Variants in SMIM10L3 observed in about 807,000 individuals in gnomAD.
SMIM10L3 encodes the protein salivary gland specific protein SAGSIN1.
the SMIM10L3 span, chr7:6,330,916 C>T: frequency 6.2e-7 from 1 of 1,614,226 alleles, no homozygotes; most frequent in Non-Finnish European, 8.5e-7. Flanking sequence ...AAGCACTGGG[C>T]CGCCACTGTG....
chr7:6,333,099 G>C, the SMIM10L3 span, among the ~76,000 whole-genome samples: 2 of 151,252 alleles, frequency 1.3e-5, no homozygotes, highest in African/African-American at 4.9e-5. Flanking sequence ...AGAGGTTGCA[G>C]TGAGCCGAGA....
At chr7:6,330,642 T>G in the SMIM10L3 span, 1 of 1,614,122 alleles carries the variant, frequency 6.2e-7, no homozygotes, top group Non-Finnish European at 8.5e-7. Flanking sequence ...AAGCACTTGG[T>G]GGGTCATCCT....
the SMIM10L3 span, among the ~76,000 whole-genome samples, chr7:6,332,185 G>C: frequency 6.6e-5 from 10 of 151,604 alleles, no homozygotes; most frequent in Middle Eastern, 3.5e-3. Context: ...ATGCTACCTA[G>C]TGCATCCTTC....
chr7:6,345,507 A>G, the SMIM10L3 span, among the ~76,000 whole-genome samples: 4 of 152,276 alleles, frequency 2.6e-5, no homozygotes, highest in East Asian at 7.7e-4. Context: ...ACAGTAGGGT[A>G]GACTAGAGAG....
chr7:6,333,662 C>T, the SMIM10L3 span, among the ~76,000 whole-genome samples: 1 of 145,290 alleles, frequency 6.9e-6, no homozygotes, highest in African/African-American at 2.5e-5. Flanking sequence ...CCACACCTGG[C>T]AAATTTTTTT....
the SMIM10L3 span, among the ~76,000 whole-genome samples, chr7:6,332,208 T>A: frequency 1.3e-5 from 2 of 152,064 alleles, no homozygotes; most frequent in Non-Finnish European, 1.5e-5. Context: ...GTTATGTAAT[T>A]TTATAGGGAC....
At chr7:6,344,736 T>A in the SMIM10L3 span, among the ~76,000 whole-genome samples, 2 of 151,952 alleles carry the variant, frequency 1.3e-5, no homozygotes, top group Non-Finnish European at 2.9e-5. Flanking sequence ...TTCTTTTTTT[T>A]AAATTTTATT....
At chr7:6,336,502 G>A in the SMIM10L3 span, among the ~76,000 whole-genome samples, 1 of 151,950 alleles carries the variant, frequency 6.6e-6, no homozygotes, top group Admixed American at 6.6e-5. Context: ...CCAACACAGG[G>A]AAACCCTATC....
the SMIM10L3 span, among the ~76,000 whole-genome samples, chr7:6,345,193 C>T: frequency 6.6e-6 from 1 of 152,036 alleles, no homozygotes; most frequent in Non-Finnish European, 1.5e-5. Flanking sequence ...TCACGGCTCA[C>T]TGCATCTTCG....
At chr7:6,343,520 T>C in the SMIM10L3 span, among the ~76,000 whole-genome samples, 4 of 149,272 alleles carry the variant, frequency 2.7e-5, no homozygotes, top group Non-Finnish European at 4.4e-5. Context: ...ACTTGTTAAA[T>C]TATAGCAGAT....
the SMIM10L3 span, among the ~76,000 whole-genome samples, chr7:6,335,678 G>T: frequency 6.6e-6 from 1 of 151,870 alleles, no homozygotes; most frequent in South Asian, 2.1e-4. Flanking sequence ...ATATCTTGTG[G>T]GACATGCTGA....
the SMIM10L3 span, among the ~76,000 whole-genome samples, chr7:6,338,074 G>A: frequency 1.4e-4 from 22 of 152,204 alleles, no homozygotes; most frequent in East Asian, 3.9e-4. Flanking sequence ...AAAGCACTGC[G>A]ATTACAGGCG....
chr7:6,336,576 C>G, the SMIM10L3 span, among the ~76,000 whole-genome samples: 853 of 151,386 alleles, frequency 5.6e-3, 41 homozygotes, highest in East Asian at 0.087. Flanking sequence ...AGCTATTAGT[C>G]AGGAGGCTGA....
At chr7:6,330,314 G>A in the SMIM10L3 span, 17 of 1,492,128 alleles carry the variant, frequency 1.1e-5, no homozygotes, top group Middle Eastern at 1.8e-4. Context: ...GACTTAATGC[G>A]AAAGAAATCA....
chr7:6,344,969 G>A, the SMIM10L3 span, among the ~76,000 whole-genome samples: 1 of 152,056 alleles, frequency 6.6e-6, no homozygotes, highest in African/African-American at 2.4e-5. Flanking sequence ...TCAAACTCCT[G>A]ACCTCAGGTG....
the SMIM10L3 span, among the ~76,000 whole-genome samples, chr7:6,348,237 G>GGGGC: frequency 6.6e-6 from 1 of 151,046 alleles, no homozygotes; most frequent in East Asian, 2.0e-4. Context: ...AAATAAGGGG[G>GGGGC]GGGGTTGCAA....
chr7:6,342,900 G>A, the SMIM10L3 span, among the ~76,000 whole-genome samples: 1 of 151,898 alleles, frequency 6.6e-6, no homozygotes, highest in South Asian at 2.1e-4. Flanking sequence ...AACCAGGCAT[G>A]GTGGCACATG....
chr7:6,347,993 C>T, the SMIM10L3 span, among the ~76,000 whole-genome samples: 6 of 151,318 alleles, frequency 4.0e-5, no homozygotes, highest in Non-Finnish European at 8.8e-5. Flanking sequence ...TCACCGCAAC[C>T]TGCGCCTCCC....
chr7:6,332,113 GAAA>G, the SMIM10L3 span, among the ~76,000 whole-genome samples: 4 of 129,104 alleles, frequency 3.1e-5, no homozygotes, highest in African/African-American at 5.6e-5. Context: ...CCATCTCACG[GAAA>G]AAAAAAAAAA....
Sources: gnomAD v4.1 joint callset for allele counts (sites outside exome capture counted in the v4.1 genomes callset) on GRCh38, gnomAD v4.1.1 for gene constraint, MANE v1.5 for transcripts, NCBI Gene and HGNC (gene_info 2026-07-23, HGNC 2026-07-21) for gene names.